PKHD1: variants seen among roughly 807,000 people sequenced by gnomAD.
PKHD1 encodes the protein PKHD1 ciliary IPT domain containing fibrocystin/polyductin.
Under a neutral mutation model 412.0 loss-of-function variants are expected in PKHD1, and 291 were observed. The ratio of observed to expected loss-of-function variants is 0.71; its 90% CI spans 0.64 to 0.78. PKHD1 has a LOEUF of 0.78. PKHD1 is among the 30% of genes least tolerant of loss of function. The pLI, the probability that PKHD1 is intolerant of heterozygous loss-of-function variation, is 0.00. For missense variants in PKHD1, 4,825 were observed against 4,950.7 expected (o/e 0.97, Z 0.76); for synonymous variants, 1,777 against 1,821.5 (o/e 0.98, Z 0.62).
chr6:51,656,435 C>A (rs912135449), intron 61 of PKHD1, among the ~76,000 whole-genome samples: 1 of 152,002 alleles, frequency 6.6e-6, no homozygotes, highest in African/African-American at 2.4e-5. Flanking sequence ...GTGCAGCAAA[C>A]CACCATGCCA....
chr6:51,943,020 T>C (rs899408170), intron 36 of PKHD1, among the ~76,000 whole-genome samples: 6 of 151,522 alleles, frequency 4.0e-5, no homozygotes, highest in Non-Finnish European at 8.9e-5. Flanking sequence ...GGTAGAGGCC[T>C]TTCCCACAGG....
intron 20 of PKHD1, 103 bp downstream of exon 20, chr6:52,053,935 C>A: frequency 8.2e-7 from 1 of 1,218,900 alleles, no homozygotes. Flanking sequence ...TGTATGAGGC[C>A]CAAATATAAG....
chr6:51,831,109 A>G, intron 51 of PKHD1, 120 bp from the exon 52 acceptor site: 1 of 731,106 alleles, frequency 1.4e-6, no homozygotes, highest in Non-Finnish European at 2.4e-6. Flanking sequence ...TCAATATTTT[A>G]TAAGTTTCTG....
rs1334951339 is a variant in PKHD1, at chr6:52,017,594, C to A, written c.5416G>T (p.Glu1806Ter). ...TGTCTGGCAGCCTCACAGCTGTCCT[C>A]CTCACGCTTCAGGCCACACAGGAAG... ...LAFLCGLKREEDSCEAARHTY... is the reference protein window; with the variant it reads ...LAFLCGLKRE The change falls in exon 34 of 67, where the codon GAG (glutamate) becomes TAG (stop). Residue 1806 changes from glutamate to a stop codon, truncating the protein, a stop_gained. Transcript: ENST00000371117. LOFTEE classifies it high-confidence loss of function. 1.2e-6 allele frequency: 2 copies of A among 1,613,794 alleles called. No individual in the cohort carries two copies. Among genetic ancestry groups the A allele is most frequent in the African/African-American group, 2.7e-5 (2 of 74,918 alleles).
At chr6:51,963,877 C>A (rs1342063826) in intron 35 of PKHD1, among the ~76,000 whole-genome samples, 1 of 152,116 alleles carries the variant, frequency 6.6e-6, no homozygotes, top group Non-Finnish European at 1.5e-5. Context: ...CTCTATAGTT[C>A]CCATGATGCT....
chr6:51,942,143 T>A (rs1788691309), intron 36 of PKHD1, among the ~76,000 whole-genome samples: 1 of 151,418 alleles, frequency 6.6e-6, no homozygotes, highest in African/African-American at 2.4e-5. Flanking sequence ...AGATCCTAAA[T>A]CCTTTCCCCA....
At chr6:51,760,259 T>A (rs554660489) in intron 55 of PKHD1, among the ~76,000 whole-genome samples, 44 of 152,230 alleles carry the variant, frequency 2.9e-4, no homozygotes, top group African/African-American at 1.1e-3. Flanking sequence ...AAAATACACA[T>A]CAAGTCAATG....
intron 52 of PKHD1, 30 bp downstream of exon 52, chr6:51,830,831 G>A: frequency 6.2e-7 from 1 of 1,604,612 alleles, no homozygotes; most frequent in East Asian, 2.2e-5. Context: ...CAGCCTGTCT[G>A]TGATTCATCT....
intron 1 of PKHD1, among the ~76,000 whole-genome samples, chr6:52,085,571 G>GA (rs1401741154): frequency 6.6e-6 from 1 of 152,196 alleles, no homozygotes; most frequent in Non-Finnish European, 1.5e-5. Flanking sequence ...CTCCTCAGCT[G>GA]ATTCTTTCCT....
At position 52,065,162 on chromosome 6, in the gene PKHD1, T is replaced by TAGAG. The variant is rs1436993640; in HGVS notation, c.881-113_881-112insCTCT. On this transcript the variant is annotated intron_variant, in intron 12 of 66. Coordinates refer to ENST00000371117, the MANE Select transcript of PKHD1 (RefSeq NM_138694.4). ...ATATATATATATATATATATATATA[T>TAGAG]ATATATAGAGAGAGAGAGAGAGAGA... 4.1e-3 allele frequency: 274 copies of TAGAG among 66,140 alleles called. 3 individuals carry two copies. Among genetic ancestry groups the TAGAG allele is most frequent in the African/African-American group, 8.2e-3 (108 of 13,184 alleles). The allele number at this position is 66,140 out of a possible 1,614,324, so 4.1% of individuals were successfully genotyped here. A position where few individuals can be genotyped will look rare whatever the true frequency, so the allele number is the denominator to read the frequency against.
intron 60 of PKHD1, chr6:51,721,756 G>A: frequency 7.1e-7 from 1 of 1,404,112 alleles, no homozygotes; most frequent in East Asian, 2.6e-5. Flanking sequence ...AAAGTCAGGA[G>A]TAAGCAAACT....
Position 52,056,741 on chromosome 6 carries a change from T to G in PKHD1, c.1650A>C (p.Glu550Asp). The change falls in exon 18 of 67, where the codon GAA becomes GAC. Residue 550 changes from glutamate (E) to aspartate (D), a missense_variant. Transcript: ENST00000371117. The part of the protein sequence containing the change: ...EELLAVKCKL[E>D]PLWSNILLRL... ...GGAGAAGGATGTTAGACCAAAGGGG[T>G]TCCAGTTTGCATTTTACTGCAAGTA... The G allele has an allele frequency of 6.2e-7, 1 of 1,613,536 alleles. No individual in the cohort carries two copies. The highest frequency in any genetic ancestry group is 8.5e-7 in the Non-Finnish European group (1 of 1,179,778).
At chr6:51,889,104 C>T (rs1354369738) in intron 43 of PKHD1, among the ~76,000 whole-genome samples, 1 of 152,056 alleles carries the variant, frequency 6.6e-6, no homozygotes, top group Non-Finnish European at 1.5e-5. Flanking sequence ...AAGGCTCCCA[C>T]ATGATTCAAT....
chr6:51,782,610 T>C (rs1464414548), intron 53 of PKHD1, among the ~76,000 whole-genome samples: 1 of 152,194 alleles, frequency 6.6e-6, no homozygotes, highest in Non-Finnish European at 1.5e-5. Flanking sequence ...ACTGTGCATC[T>C]AAATAAACTG....
chr6:51,911,796 T>C lies in PKHD1; in HGVS notation c.6490+3A>G, dbSNP rs777022210. 46 of 1,611,502 alleles carry C rather than the reference T, an allele frequency of 2.9e-5. No individual in the cohort carries two copies. The South Asian group carries it at 4.1e-4, about 14-fold the overall frequency. On this transcript the variant is annotated splice_donor_region_variant and intron_variant, in intron 39 of 66. Transcript: ENST00000371117. ...TAGACTTTCCAACAAAACACTCTTCTACCTTCTGGAGCATTGGCCTCCTGG... is the reference window on the plus strand; with the variant it reads ...TAGACTTTCCAACAAAACACTCTTCCACCTTCTGGAGCATTGGCCTCCTGG...
chr6:52,029,736 G>A (rs2128156716), intron 29 of PKHD1, among the ~76,000 whole-genome samples: 1 of 152,322 alleles, frequency 6.6e-6, no homozygotes, highest in South Asian at 2.1e-4. Context: ...GTGATGTTCT[G>A]GAAGGCACAG....
At position 51,619,303 on chromosome 6, in the gene PKHD1, C is replaced by G; in HGVS notation, c.12003G>C (p.Glu4001Asp). 2 of 1,614,264 alleles carry G rather than the reference C, an allele frequency of 1.2e-6. No individual in the cohort carries two copies. Among genetic ancestry groups the G allele is most frequent in the Non-Finnish European group, 1.7e-6 (2 of 1,180,044 alleles). Residue 4001 changes from glutamate to aspartate, a missense_variant, in exon 67 of 67, where the codon GAG becomes GAC. Glu to Asp is a conservative substitution (Grantham distance 45, BLOSUM62 2). Transcript: ENST00000371117. ...GGTATCTGAGCAACTGCTCTTGGCC[C>G]TCCTTCCAGTTCCCAGTCTCTTGCA... is the stretch of plus-strand genomic sequence containing the variant. ...VYLQETGNWK[E>D]GQEQLLRYQL...
chr6:51,814,864 C>CCTTGCAT lies in PKHD1; in HGVS notation c.8302+15990_8302+15996dup, dbSNP rs1032991409. On this transcript the variant is annotated intron_variant, in intron 52 of 66. Transcript: ENST00000371117. ...AAGAAAAGGAACGAACCCACCCCCT[C>CCTTGCAT]CTTGCATCTTCTTACCTGCAGGGAA... 1.1e-4 allele frequency among the ~76,000 whole-genome samples: 17 copies of CCTTGCAT among 152,206 alleles called. No homozygotes were observed. The East Asian group carries it at 2.5e-3, about 22-fold the overall frequency.
At chr6:51,872,812 C>T (rs886847180) in intron 46 of PKHD1, among the ~76,000 whole-genome samples, 3 of 150,844 alleles carry the variant, frequency 2.0e-5, no homozygotes, top group African/African-American at 7.3e-5. Flanking sequence ...TATCCTGTAA[C>T]CAACAATCTA....
Sources: allele counts gnomAD v4.1 joint callset (sites outside exome capture counted in the v4.1 genomes callset), GRCh38; gene constraint gnomAD v4.1.1; transcripts MANE v1.5; gene names NCBI Gene and HGNC (gene_info 2026-07-23, HGNC 2026-07-21).